DNAH14: variants seen among roughly 807,000 people sequenced by gnomAD.
DNAH14 encodes the protein dynein axonemal heavy chain 14, also known as axonemal beta dynein heavy chain 14.
Under a neutral mutation model 520.9 loss-of-function variants are expected in DNAH14, and 478 were observed. The observed-to-expected ratio is 0.92, with a 90% CI of 0.85 to 0.99. The LOEUF is 0.99. Ranked by LOEUF, DNAH14 falls within the 50% of genes least tolerant of loss-of-function variation. The pLI is 0.00. For missense variants in DNAH14, 4,831 were observed against 5,234.5 expected, an observed-to-expected ratio of 0.92 and a Z score of 2.38; for synonymous variants, 1,581 against 1,757.2, an observed-to-expected ratio of 0.90 and a Z score of 2.51.
chr1:225,089,688 A>G (rs944314495), intron 21 of DNAH14, among the ~76,000 whole-genome samples: 7 of 152,296 alleles, frequency 4.6e-5, no homozygotes, highest in African/African-American at 1.2e-4. Context: ...TCAAAAATCA[A>G]TCTACAATTT....
At chr1:225,106,551 C>G (rs1023628254) in intron 23 of DNAH14, among the ~76,000 whole-genome samples, 6 of 152,134 alleles carry the variant, frequency 3.9e-5, no homozygotes. Context: ...TTCACATAGT[C>G]CCATATTTCT....
chr1:224,934,787 C>G (rs917410361), intron 1 of DNAH14, among the ~76,000 whole-genome samples: 6 of 151,738 alleles, frequency 4.0e-5, no homozygotes, highest in Non-Finnish European at 5.9e-5. Context: ...AGAAAAGATC[C>G]TTGTCACCTA....
rs527971336 is a variant in DNAH14 at position 225,003,715 on chromosome 1, A to G, written c.975+788A>G. ...GGAGGAGGAATTATCACATAGATGT[A>G]TATTTTTTATACTTATATAGAGAAT... On this transcript the variant is annotated intron_variant, in intron 9 of 85. Transcript: ENST00000682510. 7.2e-5 allele frequency among the ~76,000 whole-genome samples: 11 copies of G among 152,206 alleles called. No individual in the cohort carries two copies. The East Asian group carries it at 2.1e-3, about 29-fold the overall frequency.
chr1:224,995,716 T>TTTTTTTATTC (rs1288830510), intron 8 of DNAH14, among the ~76,000 whole-genome samples: 1 of 151,928 alleles, frequency 6.6e-6, no homozygotes, highest in Non-Finnish European at 1.5e-5. Context: ...TCATGTAGGC[T>TTTTTTTATTC]TTTTTTATTC....
chr1:225,251,939 G>C (rs2092569339), intron 43 of DNAH14, among the ~76,000 whole-genome samples: 1 of 152,100 alleles, frequency 6.6e-6, no homozygotes, highest in Non-Finnish European at 1.5e-5. Context: ...AGAAAGATAA[G>C]TGTGATTTAC....
intron 15 of DNAH14, among the ~76,000 whole-genome samples, chr1:225,045,709 C>G (rs892810136): frequency 4.6e-5 from 7 of 152,070 alleles, no homozygotes; most frequent in Non-Finnish European, 8.8e-5. Context: ...GTACATCAGC[C>G]TAGTAGTACA....
rs1448883445 is a variant in DNAH14 at position 225,377,445 on chromosome 1, TCGC to T, written c.12716+10_12716+12del. 2 of 1,532,286 alleles carry T rather than the reference TCGC, an allele frequency of 1.3e-6. No homozygotes were observed. The highest frequency in any genetic ancestry group is 1.8e-6 in the Non-Finnish European group (2 of 1,137,256). 94.9% of individuals were successfully genotyped at this position (1,532,286 alleles called of 1,614,324 possible). A position where few individuals can be genotyped will look rare whatever the true frequency, so the allele number is the denominator to read the frequency against. ...GCCAACCTCATGATCAGGTAAGAAC[TCGC>T]TAGGAAAAATTGTTGGTCAAAAATT... is the stretch of plus-strand genomic sequence containing the variant. On this transcript the variant is annotated intron_variant, in intron 79 of 85. Coordinates refer to ENST00000682510, the MANE Select transcript of DNAH14 (RefSeq NM_001367479.1).
Position 225,324,752 on chromosome 1 carries a change from C to T in DNAH14, c.9643C>T (p.Gln3215Ter). The T allele has an allele frequency of 6.4e-7, 1 of 1,551,426 alleles. No homozygotes were observed. Residue 3215 changes from glutamine to a stop codon, truncating the protein, a stop_gained, in exon 64 of 86, where the codon CAA becomes TAA. Transcript: ENST00000682510. LOFTEE classifies it high-confidence loss of function. ...TCTCTTTAAGGTTGTGGGCCCTAAA[C>T]AAATCCAAGTAGCTGAAGCTCAAAA... is the stretch of plus-strand genomic sequence containing the variant. ...HEVQKVVGPKQIQVAEAQNVL... is the reference protein window; with the variant it reads ...HEVQKVVGPK
intron 22 of DNAH14, 131 bp downstream of exon 22, chr1:225,097,370 T>G: frequency 1.2e-6 from 1 of 840,540 alleles, no homozygotes; most frequent in Non-Finnish European, 1.7e-6. Context: ...AGGGGTATAA[T>G]TTGCTGAATC....
rs568487218 is a variant in DNAH14 at position 225,060,546 on chromosome 1, GT to G, written c.2424+8753del. On this transcript the variant is annotated intron_variant, in intron 17 of 85. Transcript: ENST00000682510. ...GTCATTCTCCATCCAGCTTTGTTCG[GT>G]TGCTGGTGAGGAGCTGTGTTCCTTT... 7.5e-3 allele frequency among the ~76,000 whole-genome samples: 1,149 copies of G among 152,206 alleles called. 5 individuals are homozygous for G. The highest frequency in any genetic ancestry group is 0.013 in the Non-Finnish European group (860 of 68,024).
At chr1:225,069,233 C>A (rs899995854) in intron 17 of DNAH14, among the ~76,000 whole-genome samples, 2 of 152,266 alleles carry the variant, frequency 1.3e-5, no homozygotes, top group East Asian at 1.9e-4. Context: ...TCAGAACTTG[C>A]AATACTGTGT....
At chr1:225,160,291 T>C (rs920610618) in intron 35 of DNAH14, among the ~76,000 whole-genome samples, 18 of 152,210 alleles carry the variant, frequency 1.2e-4, no homozygotes, top group African/African-American at 4.3e-4. Flanking sequence ...TTCCTTTCCC[T>C]GAAATCCAAC....
intron 83 of DNAH14, 51 bp from the exon 84 acceptor site, chr1:225,392,240 G>A: frequency 6.5e-7 from 1 of 1,541,968 alleles, no homozygotes; most frequent in Non-Finnish European, 8.8e-7. Context: ...AACCCCAGCA[G>A]GAGGCCCTGA....
At chr1:225,108,236 C>A (rs1027901142) in intron 23 of DNAH14, among the ~76,000 whole-genome samples, 91 of 152,348 alleles carry the variant, frequency 6.0e-4, no homozygotes, top group African/African-American at 1.8e-3. Flanking sequence ...TGGACTTACA[C>A]CAGTGGTTTG....
intron 11 of DNAH14, among the ~76,000 whole-genome samples, chr1:225,026,708 G>A (rs928747094): frequency 6.6e-6 from 1 of 152,060 alleles, no homozygotes; most frequent in Non-Finnish European, 1.5e-5. Flanking sequence ...TTCTAACATT[G>A]CTCTTCTTTT....
chr1:225,212,405 C>A (rs2088582629), intron 41 of DNAH14, among the ~76,000 whole-genome samples: 2 of 152,068 alleles, frequency 1.3e-5, no homozygotes, highest in Admixed American at 6.6e-5. Context: ...ATTTATAATC[C>A]TTTGGGTATA....
intron 1 of DNAH14, among the ~76,000 whole-genome samples, chr1:224,941,008 T>A (rs2059384887): frequency 6.6e-6 from 1 of 152,128 alleles, no homozygotes; most frequent in African/African-American, 2.4e-5. Context: ...TAGCAGCATG[T>A]TTTATAATCC....
rs1333406726 is a variant in DNAH14, at chr1:225,049,078, G to A, written c.1913-1132G>A. ...TTTTTTTTTTTTTTTTTTTTTTTTT[G>A]AGATGGAGTCTTGCTCTATCACCCA... is the stretch of plus-strand genomic sequence containing the variant. On this transcript the variant is annotated intron_variant, in intron 15 of 85. Transcript: ENST00000682510. 4.4e-3 allele frequency among the ~76,000 whole-genome samples: 223 copies of A among 50,622 alleles called. 1 individual carries two copies. The highest frequency in any genetic ancestry group is 6.0e-3 in the Non-Finnish European group (194 of 32,550). The allele number at this position is 50,622 out of a possible 152,430, so 33.2% of individuals were successfully genotyped here.
At position 225,388,429 on chromosome 1, in the gene DNAH14, C is replaced by T. The variant is rs1011087726; in HGVS notation, c.13128C>T (p.Leu4376=). The T allele has an allele frequency of 2.0e-6, 3 of 1,535,046 alleles. No individual in the cohort carries two copies. The highest frequency in any genetic ancestry group is 1.4e-5 in the African/African-American group (1 of 72,852). Residue 4376 remains leucine (L), a synonymous_variant, in exon 82 of 86, where the codon CTC becomes CTT. Coordinates refer to ENST00000682510, the MANE Select transcript of DNAH14 (RefSeq NM_001367479.1). ...CKPLSSWIDD[L]IQRLNFFNTW... ...CACTGAGTTCCTGGATTGATGATCT[C>T]ATCCAGCGACTGAATTTCTTCAATA... is the stretch of plus-strand genomic sequence containing the variant.
Sources: allele counts gnomAD v4.1 joint callset (sites outside exome capture counted in the v4.1 genomes callset), GRCh38; gene constraint gnomAD v4.1.1; transcripts MANE v1.5; gene names NCBI Gene and HGNC (gene_info 2026-07-23, HGNC 2026-07-21).